Variants in ARHGAP24 observed in about 807,000 individuals in gnomAD.
ARHGAP24 encodes rho GTPase-activating protein 24.
A neutral mutation model predicts 76.4 loss-of-function variants in ARHGAP24; 50 were observed. That is an observed-to-expected ratio of 0.65 (90% CI 0.52 to 0.83). The LOEUF (loss-of-function observed/expected upper bound fraction) is 0.83, where lower values mean the gene tolerates loss of function less well. Ranked by LOEUF, ARHGAP24 falls within the 40% of genes least tolerant of loss-of-function variation. The pLI is 0.00. For missense variants in ARHGAP24, 930 were observed against 914.2 expected (o/e 1.02, Z -0.22); for synonymous variants, 345 against 323.3 (o/e 1.07, Z -0.72).
At chr4:85,882,628 T>A (rs72658284) in intron 3 of ARHGAP24, among the ~76,000 whole-genome samples, 64 of 152,286 alleles carry the variant, frequency 4.2e-4, no homozygotes, top group Admixed American at 7.8e-4. Flanking sequence ...GATGAACAGC[T>A]TAGAGAATCC....
At chr4:85,849,289 A>G (rs1238638576) in intron 3 of ARHGAP24, among the ~76,000 whole-genome samples, 3 of 150,548 alleles carry the variant, frequency 2.0e-5, no homozygotes, top group Non-Finnish European at 3.0e-5. Context: ...ATTTTTGTAC[A>G]TTGATTTTGT....
intron 1 of ARHGAP24, among the ~76,000 whole-genome samples, chr4:85,568,362 T>C (rs968613061): frequency 1.4e-4 from 21 of 152,056 alleles, no homozygotes; most frequent in African/African-American, 5.1e-4. Flanking sequence ...TAAGGTCCCA[T>C]TTAACTTTAT....
chr4:85,784,820 CTT>C (rs1001077933), intron 3 of ARHGAP24, among the ~76,000 whole-genome samples: 20 of 152,102 alleles, frequency 1.3e-4, no homozygotes, highest in African/African-American at 4.8e-4. Flanking sequence ...TTAATTCCCT[CTT>C]GTTAGCCTAC....
chr4:85,493,183 T>C (rs145504135), intron 1 of ARHGAP24, among the ~76,000 whole-genome samples: 3 of 152,348 alleles, frequency 2.0e-5, no homozygotes, highest in East Asian at 1.9e-4. Flanking sequence ...AATTATTCAT[T>C]CTAGGCTGGC....
chr4:85,534,928 A>T (rs760732587), intron 1 of ARHGAP24, among the ~76,000 whole-genome samples: 1 of 102,278 alleles, frequency 9.8e-6, no homozygotes. Context: ...TATTTACAGT[A>T]AAAAAAAAAA....
At chr4:85,818,960 T>G (rs1186548993) in intron 3 of ARHGAP24, among the ~76,000 whole-genome samples, 1 of 152,174 alleles carries the variant, frequency 6.6e-6, no homozygotes, top group Non-Finnish European at 1.5e-5. Context: ...TGCCGTTATA[T>G]TGCTTTGTTT....
intron 1 of ARHGAP24, among the ~76,000 whole-genome samples, chr4:85,480,072 A>G (rs1271721274): frequency 6.6e-6 from 1 of 152,226 alleles, no homozygotes; most frequent in East Asian, 1.9e-4. Flanking sequence ...TGTACTTACT[A>G]TAATCACATT....
intron 1 of ARHGAP24, among the ~76,000 whole-genome samples, chr4:85,539,258 A>G (rs896962021): frequency 6.6e-6 from 1 of 152,202 alleles, no homozygotes; most frequent in African/African-American, 2.4e-5. Context: ...TGAGAGAATT[A>G]CTTTCCTTCC....
intron 3 of ARHGAP24, among the ~76,000 whole-genome samples, chr4:85,781,905 C>T (rs531662062): frequency 2.0e-5 from 3 of 151,688 alleles, no homozygotes; most frequent in Non-Finnish European, 2.9e-5. Flanking sequence ...GGCACGGTGG[C>T]GCATGTCTGT....
chr4:85,947,319 A>T (rs1175776664), intron 5 of ARHGAP24, among the ~76,000 whole-genome samples: 2 of 152,148 alleles, frequency 1.3e-5, no homozygotes, highest in Non-Finnish European at 2.9e-5. Context: ...TTTGCTGTGT[A>T]GAAGTTCTCT....
At chr4:85,866,886 T>G (rs1354167206) in intron 3 of ARHGAP24, among the ~76,000 whole-genome samples, 9 of 152,082 alleles carry the variant, frequency 5.9e-5, no homozygotes, top group Non-Finnish European at 1.2e-4. Flanking sequence ...ATGGTGTGAC[T>G]TTATAGTGAC....
intron 3 of ARHGAP24, among the ~76,000 whole-genome samples, chr4:85,761,020 A>G (rs1479395612): frequency 1.3e-5 from 2 of 152,168 alleles, no homozygotes; most frequent in Non-Finnish European, 2.9e-5. Flanking sequence ...GAAAACAGTA[A>G]TGAGACCTCT....
chr4:85,762,487 ATATTAT>A (rs1441848491), intron 3 of ARHGAP24, among the ~76,000 whole-genome samples: 1 of 152,172 alleles, frequency 6.6e-6, no homozygotes, highest in Non-Finnish European at 1.5e-5. Flanking sequence ...AAGCTAACAA[ATATTAT>A]TATTAACAAA....
At chr4:85,500,049 A>G (rs1000331451) in intron 1 of ARHGAP24, among the ~76,000 whole-genome samples, 1 of 152,208 alleles carries the variant, frequency 6.6e-6, no homozygotes, top group Non-Finnish European at 1.5e-5. Context: ...TGTAAAATAC[A>G]CACTAGATTT....
At chr4:85,632,634 T>G (rs1324913081) in intron 2 of ARHGAP24, among the ~76,000 whole-genome samples, 1 of 149,714 alleles carries the variant, frequency 6.7e-6, no homozygotes, top group Non-Finnish European at 1.5e-5. Context: ...AATTTGATTT[T>G]CAGTTAAGAA....
At chr4:85,595,667 G>A (rs1363935889) in intron 2 of ARHGAP24, among the ~76,000 whole-genome samples, 2 of 152,030 alleles carry the variant, frequency 1.3e-5, no homozygotes, top group African/African-American at 4.8e-5. Flanking sequence ...ACAAGTATAA[G>A]ATAAGAAGGG....
chr4:85,564,956 A>ATG (rs1726773734), intron 1 of ARHGAP24, among the ~76,000 whole-genome samples: 10 of 119,244 alleles, frequency 8.4e-5, no homozygotes, highest in Admixed American at 4.7e-4. Context: ...ATATATATAT[A>ATG]TATATATATA....
intron 3 of ARHGAP24, among the ~76,000 whole-genome samples, chr4:85,825,401 G>A (rs775311011): frequency 1.1e-4 from 17 of 152,092 alleles, no homozygotes; most frequent in Non-Finnish European, 2.2e-4. Flanking sequence ...TCAAACCCAG[G>A]AGAAAATTAT....
At chr4:85,553,398 T>A (rs963244078) in intron 1 of ARHGAP24, among the ~76,000 whole-genome samples, 7 of 152,092 alleles carry the variant, frequency 4.6e-5, no homozygotes, top group Non-Finnish European at 8.8e-5. Flanking sequence ...ATTGGTCCAT[T>A]TTACATAGTG....
Sources: gnomAD v4.1 joint callset for allele counts (sites outside exome capture counted in the v4.1 genomes callset) on GRCh38, gnomAD v4.1.1 for gene constraint, MANE v1.5 for transcripts, NCBI Gene and HGNC (gene_info 2026-07-23, HGNC 2026-07-21) for gene names.